Variants in FARP2 observed in about 807,000 individuals in gnomAD.
FARP2 encodes the protein FERM, ARHGEF and pleckstrin domain-containing protein 2.
Under a neutral mutation model 130.5 loss-of-function variants are expected in FARP2, and 111 were observed. The ratio of observed to expected loss-of-function variants is 0.85; its 90% CI spans 0.73 to 1.00. The LOEUF (loss-of-function observed/expected upper bound fraction) is 1.00. FARP2 is among the 50% of genes least tolerant of loss of function. The pLI, the probability that FARP2 is intolerant of heterozygous loss-of-function variation, is 0.00. For synonymous variants in FARP2, 504 were observed against 516.9 expected, an observed-to-expected ratio of 0.98 and a Z score of 0.34; for missense variants, 1,385 against 1,346.3, an observed-to-expected ratio of 1.03 and a Z score of -0.45.
At chr2:241,373,920 AAC>A (rs1335493411) in intron 2 of FARP2, among the ~76,000 whole-genome samples, 7 of 152,228 alleles carry the variant, frequency 4.6e-5, no homozygotes, top group African/African-American at 1.7e-4. Context: ...ATATTTAAGT[AAC>A]ACTATTTTTT....
At chr2:241,455,752 T>C (rs1163430336) in intron 13 of FARP2, among the ~76,000 whole-genome samples, 2 of 140,664 alleles carry the variant, frequency 1.4e-5, no homozygotes, top group African/African-American at 2.8e-5. Context: ...TTTTTTTTTT[T>C]TTTTTGAGAT....
chr2:241,466,648 C>A, intron 17 of FARP2: 1 of 981,768 alleles, frequency 1.0e-6, no homozygotes, highest in Non-Finnish European at 1.2e-6. Flanking sequence ...CCCCTCACCC[C>A]CAGGCAGCGG....
chr2:241,428,435 A>G (rs1001306336), intron 8 of FARP2, among the ~76,000 whole-genome samples: 2 of 150,544 alleles, frequency 1.3e-5, no homozygotes, highest in African/African-American at 4.9e-5. Context: ...ACCTCAGGTG[A>G]TCTGCTCACC....
At chr2:241,392,262 C>T (rs1482201679) in intron 2 of FARP2, among the ~76,000 whole-genome samples, 2 of 152,126 alleles carry the variant, frequency 1.3e-5, no homozygotes. Context: ...GAGAGAAGGC[C>T]CTTCTTGTTG....
intron 2 of FARP2, among the ~76,000 whole-genome samples, chr2:241,383,571 G>A (rs1289607158): frequency 6.6e-6 from 1 of 152,208 alleles, no homozygotes; most frequent in Non-Finnish European, 1.5e-5. Context: ...CTCCACCCAG[G>A]ACGTGATGAC....
chr2:241,462,461 C>G, intron 14 of FARP2, 62 bp from the exon 15 acceptor site: 1 of 1,207,452 alleles, frequency 8.3e-7, no homozygotes. Context: ...CTTCAGGCTC[C>G]CTGAGCGTGG....
intron 1 of FARP2, among the ~76,000 whole-genome samples, chr2:241,361,764 G>C (rs1019758568): frequency 1.9e-4 from 29 of 152,132 alleles, no homozygotes; most frequent in African/African-American, 7.0e-4. Context: ...TGAGGTGAAG[G>C]TGCTAAGTGA....
At chr2:241,406,586 TCAGG>T (rs1365090378) in intron 4 of FARP2, among the ~76,000 whole-genome samples, 2 of 150,466 alleles carry the variant, frequency 1.3e-5, no homozygotes, top group East Asian at 4.0e-4. Context: ...AGCTGGAACT[TCAGG>T]CATGCGCCAC....
chr2:241,469,143 G>A (rs2064247133), intron 18 of FARP2, among the ~76,000 whole-genome samples: 1 of 151,616 alleles, frequency 6.6e-6, no homozygotes, highest in Admixed American at 6.6e-5. Flanking sequence ...CTGGAGTTCA[G>A]TGGTGTGATC....
intron 8 of FARP2, among the ~76,000 whole-genome samples, chr2:241,427,796 C>T (rs1245419788): frequency 1.3e-5 from 2 of 151,814 alleles, no homozygotes; most frequent in African/African-American, 2.4e-5. Flanking sequence ...GATGGAGTCT[C>T]ACTCTGTCGC....
chr2:241,360,781 T>G (rs2061168809), intron 1 of FARP2, among the ~76,000 whole-genome samples: 1 of 152,178 alleles, frequency 6.6e-6, no homozygotes, highest in Non-Finnish European at 1.5e-5. Context: ...TTGTTAATTA[T>G]CTAACACACC....
In FARP2 at chr2:241,491,117, C is replaced by G. The variant is rs1200301317; in HGVS notation, c.2561C>G (p.Ala854Gly). 5 of 1,613,550 alleles carry G rather than the reference C, an allele frequency of 3.1e-6. No individual in the cohort carries two copies. The highest frequency in any genetic ancestry group is 4.2e-6 in the Non-Finnish European group (5 of 1,180,012). The change falls in exon 23 of 27, where the codon GCC becomes GGC. Residue 854 changes from alanine (A) to glycine (G), a missense_variant. Transcript: ENST00000264042. ...GACCTGAACTCCGCGATCCAAGCAG[C>G]CAAGAGTGGCGGTGACACGGCCCCT... ...MLDLNSAIQAAKSGGDTAPAL... is the reference protein window; with the variant it reads ...MLDLNSAIQAGKSGGDTAPAL...
intron 25 of FARP2, 93 bp from the exon 26 acceptor site, chr2:241,493,200 T>G: frequency 7.0e-7 from 1 of 1,438,482 alleles, no homozygotes; most frequent in South Asian, 1.2e-5. Context: ...CCGTGGGCAT[T>G]TGTACGTGCC....
rs2064224764 is a variant in FARP2 at position 241,468,254 on chromosome 2, T to C, written c.2008T>C (p.Cys670Arg). The part of the protein sequence containing the change: ...VYKEFELQKV[C>R]YLPLNTFLLK... ...CAAGGAGTTTGAGCTGCAGAAGGTC[T>C]GCTACTTGCCTCTCAACACGTTCCT... Residue 670 changes from cysteine (C) to arginine (R), a missense_variant, in exon 18 of 27, where the codon TGC becomes CGC. By Grantham distance (180) the Cys-to-Arg change is radical (BLOSUM62 -3). Coordinates refer to ENST00000264042, the MANE Select transcript of FARP2 (RefSeq NM_014808.4). The C allele has an allele frequency of 6.2e-7, 1 of 1,614,022 alleles. No homozygotes were observed. The highest frequency in any genetic ancestry group is 1.3e-5 in the African/African-American group (1 of 75,072).
chr2:241,401,257 C>T (rs2062159633), intron 2 of FARP2, among the ~76,000 whole-genome samples: 1 of 152,106 alleles, frequency 6.6e-6, no homozygotes, highest in African/African-American at 2.4e-5. Flanking sequence ...ATTTGCCTCC[C>T]CCAGTTTGCA....
In FARP2 at chr2:241,434,977, A is replaced by G. The variant is rs945810796; in HGVS notation, c.1047A>G (p.Lys349=). The change falls in exon 11 of 27, where the codon AAA becomes AAG. Residue 349 remains lysine, a synonymous_variant. Transcript: ENST00000264042. ...SSFRYSGRTQ[K]QLVDYFKDSG... ...TTATTCACAGTGGAAGAACTCAGAA[A>G]CAACTAGTAGATTATTTCAAAGACA... 3 of 1,589,296 alleles carry G rather than the reference A, an allele frequency of 1.9e-6. No individual in the cohort carries two copies.
intron 2 of FARP2, among the ~76,000 whole-genome samples, chr2:241,396,467 T>A (rs908345976): frequency 2.0e-5 from 3 of 151,986 alleles, no homozygotes; most frequent in Non-Finnish European, 4.4e-5. Context: ...GAATCTACAA[T>A]GAACTCAAAC....
At chr2:241,407,114 G>A (rs2150355669) in intron 4 of FARP2, among the ~76,000 whole-genome samples, 1 of 152,224 alleles carries the variant, frequency 6.6e-6, no homozygotes, top group East Asian at 1.9e-4. Context: ...AGCCCTACTT[G>A]TTTTTAAGGC....
intron 10 of FARP2, among the ~76,000 whole-genome samples, chr2:241,434,534 G>A (rs774306267): frequency 1.3e-5 from 2 of 152,150 alleles, no homozygotes; most frequent in Non-Finnish European, 2.9e-5. Flanking sequence ...ATTCAGTTAC[G>A]CTTACTACAA....
Sources: gnomAD v4.1 joint callset for allele counts (sites outside exome capture counted in the v4.1 genomes callset) on GRCh38, gnomAD v4.1.1 for gene constraint, MANE v1.5 for transcripts, NCBI Gene and HGNC (gene_info 2026-07-23, HGNC 2026-07-21) for gene names.